Variants in NALF1 observed in about 807,000 individuals in gnomAD.
NALF1 encodes the protein family with sequence similarity 155 member A.
Under a neutral mutation model 48.4 loss-of-function variants are expected in NALF1, and 3 were observed. The observed-to-expected ratio is 0.06, with a 90% confidence interval of 0.03 to 0.16. The LOEUF (loss-of-function observed/expected upper bound fraction) is 0.16. NALF1 is among the 10% of genes least tolerant of loss of function. The probability of loss-of-function intolerance (pLI) is 1.00; values close to 1 mark genes in which losing one functional copy is unlikely to be tolerated. For synonymous variants in NALF1, 262 were observed against 245.7 expected, an observed-to-expected ratio of 1.07 and a Z score of -0.62; for missense variants, 526 against 571.5, an observed-to-expected ratio of 0.92 and a Z score of 0.81.
chr13:107,247,351 A>C (rs376913903), intron 1 of NALF1, among the ~76,000 whole-genome samples: 2 of 152,318 alleles, frequency 1.3e-5, no homozygotes, highest in African/African-American at 4.8e-5. Context: ...AAGATGACAA[A>C]ATCTGTGTGC....
chr13:107,704,988 T>C (rs142196771), intron 1 of NALF1, among the ~76,000 whole-genome samples: 6 of 152,326 alleles, frequency 3.9e-5, no homozygotes, highest in African/African-American at 1.4e-4. Context: ...TATGGAAATA[T>C]GTTCTTCCAA....
At chr13:107,330,086 G>T (rs1357787810) in intron 1 of NALF1, among the ~76,000 whole-genome samples, 1 of 152,108 alleles carries the variant, frequency 6.6e-6, no homozygotes, top group Non-Finnish European at 1.5e-5. Flanking sequence ...GCCCAGGATG[G>T]ACCCTAGGCT....
At chr13:107,832,921 C>T (rs554468487) in intron 1 of NALF1, among the ~76,000 whole-genome samples, 118 of 152,310 alleles carry the variant, frequency 7.7e-4, no homozygotes, top group Non-Finnish European at 9.3e-4. Flanking sequence ...CTTGGATACA[C>T]TCCAATCTCT....
chr13:107,801,399 G>A (rs1878607676), intron 1 of NALF1, among the ~76,000 whole-genome samples: 1 of 152,118 alleles, frequency 6.6e-6, no homozygotes, highest in South Asian at 2.1e-4. Context: ...TATAAGAAAG[G>A]TTTTGAATAG....
At chr13:107,417,982 A>G (rs1884119815) in intron 1 of NALF1, among the ~76,000 whole-genome samples, 1 of 152,110 alleles carries the variant, frequency 6.6e-6, no homozygotes, top group Non-Finnish European at 1.5e-5. Flanking sequence ...AATCGCTTGA[A>G]CCAGAGAGGC....
At chr13:107,210,454 A>G in intron 2 of NALF1, 130 bp downstream of exon 2, 1 of 659,198 alleles carries the variant, frequency 1.5e-6, no homozygotes, top group Non-Finnish European at 2.7e-6. Context: ...TCTATTAGTG[A>G]AAGTGCGGAA....
At chr13:107,346,664 A>G (rs368669475) in intron 1 of NALF1, among the ~76,000 whole-genome samples, 27 of 152,346 alleles carry the variant, frequency 1.8e-4, no homozygotes, top group African/African-American at 5.8e-4. Context: ...TGGTCATGAA[A>G]GATGAAAAAT....
At chr13:107,389,139 A>G (rs769396286) in intron 1 of NALF1, among the ~76,000 whole-genome samples, 3 of 152,180 alleles carry the variant, frequency 2.0e-5, no homozygotes, top group Non-Finnish European at 2.9e-5. Flanking sequence ...AGAATGCCAC[A>G]TAATTTACTA....
At chr13:107,485,799 C>T (rs554018521) in intron 1 of NALF1, among the ~76,000 whole-genome samples, 1 of 152,276 alleles carries the variant, frequency 6.6e-6, no homozygotes, top group East Asian at 1.9e-4. Context: ...CTTTTATGTA[C>T]ACTCAGGGTC....
At chr13:107,342,112 C>T (rs923079230) in intron 1 of NALF1, among the ~76,000 whole-genome samples, 1 of 152,126 alleles carries the variant, frequency 6.6e-6, no homozygotes, top group Non-Finnish European at 1.5e-5. Context: ...GTCCACATGC[C>T]AATGTCTGCC....
chr13:107,812,755 TATA>T (rs1368641514), intron 1 of NALF1, among the ~76,000 whole-genome samples: 3 of 151,782 alleles, frequency 2.0e-5, no homozygotes, highest in Admixed American at 2.0e-4. Context: ...CTATCCATGT[TATA>T]ATGAGAGGGT....
At chr13:107,825,334 C>A (rs1467286029) in intron 1 of NALF1, among the ~76,000 whole-genome samples, 1 of 152,114 alleles carries the variant, frequency 6.6e-6, no homozygotes. Flanking sequence ...TCTAACCTAA[C>A]CTAAATGAAT....
chr13:107,236,187 C>A (rs1880338652), intron 1 of NALF1, among the ~76,000 whole-genome samples: 1 of 152,108 alleles, frequency 6.6e-6, no homozygotes, highest in African/African-American at 2.4e-5. Flanking sequence ...TGCTCTCTAG[C>A]TTGTGCTGGA....
chr13:107,646,812 A>G (rs1015020352), intron 1 of NALF1, among the ~76,000 whole-genome samples: 2 of 152,256 alleles, frequency 1.3e-5, no homozygotes, highest in East Asian at 1.9e-4. Context: ...ATTTATGAAT[A>G]TATGAATTCA....
At chr13:107,414,226 T>A (rs1267840334) in intron 1 of NALF1, among the ~76,000 whole-genome samples, 1 of 152,024 alleles carries the variant, frequency 6.6e-6, no homozygotes, top group Non-Finnish European at 1.5e-5. Context: ...AGAACTTTTA[T>A]GATGCCAATT....
At chr13:107,364,513 C>T (rs971769480) in intron 1 of NALF1, among the ~76,000 whole-genome samples, 3 of 152,212 alleles carry the variant, frequency 2.0e-5, no homozygotes, top group Admixed American at 1.3e-4. Context: ...CAAGGCCATC[C>T]AGACACGGAG....
At chr13:107,516,310 G>T (rs1876049522) in intron 1 of NALF1, among the ~76,000 whole-genome samples, 1 of 152,170 alleles carries the variant, frequency 6.6e-6, no homozygotes, top group South Asian at 2.1e-4. Context: ...TAACTCATCA[G>T]TGTGGCAGAA....
Position 107,262,769 on chromosome 13 carries a change from G to GCGCTCTCTCT in NALF1, c.916-52015_916-52014insAGAGAGAGCG, listed in dbSNP as rs36027059. Among the ~76,000 whole-genome samples the GCGCTCTCTCT allele has an allele frequency of 7.5e-3, 1,086 of 144,096 alleles. 6 individuals are homozygous for GCGCTCTCTCT. The highest frequency in any genetic ancestry group is 0.011 in the Admixed American group (162 of 14,300). 94.5% of individuals were successfully genotyped at this position (144,096 alleles called of 152,430 possible). Reference sequence around the variant, plus strand: ...ATATTAAGTTGCATAACCCACAGGCGCTCTCTCTCTCTCTCTCTCTCTCTC... The same window carrying GCGCTCTCTCT: ...ATATTAAGTTGCATAACCCACAGGCGCGCTCTCTCTCTCTCTCTCTCTCTCTCTCTCTCTC... On this transcript the variant is annotated intron_variant, in intron 1 of 2. Coordinates refer to ENST00000375915, the MANE Select transcript of NALF1 (RefSeq NM_001080396.3).
intron 1 of NALF1, among the ~76,000 whole-genome samples, chr13:107,790,597 T>A (rs956992440): frequency 6.6e-6 from 1 of 152,118 alleles, no homozygotes; most frequent in African/African-American, 2.4e-5. Flanking sequence ...AACAGCAACA[T>A]GAAATGAGTC....
Sources: allele counts gnomAD v4.1 joint callset (sites outside exome capture counted in the v4.1 genomes callset), GRCh38; gene constraint gnomAD v4.1.1; transcripts MANE v1.5; gene names NCBI Gene and HGNC (gene_info 2026-07-23, HGNC 2026-07-21).